Variants in DGKG observed in about 807,000 individuals in gnomAD.
The protein encoded by DGKG is diacylglycerol kinase gamma.
A neutral mutation model predicts 105.3 loss-of-function variants in DGKG; 78 were observed. That is an observed-to-expected ratio of 0.74 (90% CI 0.62 to 0.89). The LOEUF (loss-of-function observed/expected upper bound fraction) is 0.89. Among genes scored for constraint, DGKG ranks in the 40% least tolerant of loss-of-function variants. DGKG has a pLI of 0.00. For synonymous variants in DGKG, 346 were observed against 367.1 expected (o/e 0.94, Z 0.66); for missense variants, 958 against 1,020.1 (o/e 0.94, Z 0.83).
chr3:186,185,928 C>G (rs953722549), intron 22 of DGKG, among the ~76,000 whole-genome samples: 16 of 151,606 alleles, frequency 1.1e-4, no homozygotes, highest in Non-Finnish European at 1.9e-4. Flanking sequence ...GAAACCCCAT[C>G]TCTATTAAAA....
At chr3:186,331,027 A>G (rs190316574) in intron 1 of DGKG, among the ~76,000 whole-genome samples, 1 of 152,326 alleles carries the variant, frequency 6.6e-6, no homozygotes, top group East Asian at 1.9e-4. Context: ...CAACTTATTC[A>G]TGTCTTAAAA....
chr3:186,150,130 C>T lies in DGKG; in HGVS notation c.2336G>A (p.Ser779Asn). ...GCTCTTCCTTCTCAACGAGAAGAAG[C>T]TGCTCTTCTGGGGAGGCCCCATCAT... The part of the protein sequence containing the change: ...PMMMGPPQKS[S>N]FFSLRRKSRS... Residue 779 changes from serine (S) to asparagine (N), a missense_variant, in exon 25 of 25, where the codon AGC (serine) becomes AAC (asparagine). Around this residue, in one of 2 missense-constraint regions of DGKG, gnomAD observed 315 missense variants for 400.6 expected, o/e 0.79. Transcript: ENST00000265022. The T allele has an allele frequency of 6.2e-7, 1 of 1,613,726 alleles. No homozygotes were observed. Among genetic ancestry groups the T allele is most frequent in the Non-Finnish European group, 8.5e-7 (1 of 1,179,810 alleles).
chr3:186,162,593 G>A (rs777662781), intron 23 of DGKG, among the ~76,000 whole-genome samples: 1 of 152,166 alleles, frequency 6.6e-6, no homozygotes, highest in South Asian at 2.1e-4. Flanking sequence ...AGGCTGGAGT[G>A]CAGTGGCACC....
rs143790329 is a variant in DGKG, at chr3:186,292,716, C to T, written c.374-3836G>A. 1.5e-3 allele frequency among the ~76,000 whole-genome samples: 235 copies of T among 152,060 alleles called. 1 individual carries two copies. Among genetic ancestry groups the T allele is most frequent in the Middle Eastern group, 6.8e-3 (2 of 294 alleles). On this transcript the variant is annotated intron_variant, in intron 5 of 24. Coordinates refer to ENST00000265022, the MANE Select transcript of DGKG (RefSeq NM_001346.3). ...GGCTGAGGCAGGAGAATCACTTGAACGCGGGAGGCAGAGGTCGGGAGGCAG... is the reference window on the plus strand; with the variant it reads ...GGCTGAGGCAGGAGAATCACTTGAATGCGGGAGGCAGAGGTCGGGAGGCAG...
rs1022074483 is a variant in DGKG, at chr3:186,361,437, C to G, written c.-249+509G>C. ...CTTTATTCTCTGAGGTGTCCGTGTTCGCTTCAGCTTCCCTTTAAGTCGCCC... is the reference window on the plus strand; with the variant it reads ...CTTTATTCTCTGAGGTGTCCGTGTTGGCTTCAGCTTCCCTTTAAGTCGCCC... On this transcript the variant is annotated intron_variant, in intron 1 of 24. Coordinates refer to ENST00000265022, the MANE Select transcript of DGKG (RefSeq NM_001346.3). The surrounding 1 kb of genome is among the most constrained non-coding windows in gnomAD (Gnocchi z 6.8). Among the ~76,000 whole-genome samples, 2 of 152,248 alleles carry G rather than the reference C, an allele frequency of 1.3e-5. No homozygotes were observed. The highest frequency in any genetic ancestry group is 4.8e-5 in the African/African-American group (2 of 41,566).
At chr3:186,333,774 T>C (rs1725704780) in intron 1 of DGKG, among the ~76,000 whole-genome samples, 2 of 152,118 alleles carry the variant, frequency 1.3e-5, no homozygotes, top group African/African-American at 4.8e-5. Flanking sequence ...GCCCTGGGCA[T>C]GAGTATGGGG....
chr3:186,188,748 G>T (rs1717763777), intron 21 of DGKG, among the ~76,000 whole-genome samples: 1 of 151,970 alleles, frequency 6.6e-6, no homozygotes, highest in Non-Finnish European at 1.5e-5. Context: ...AGATTTAGTG[G>T]AACTGAATTC....
chr3:186,299,849 T>TCTTTCTTTCTTTCTTTCTTTCTTTC (rs1578798795), intron 3 of DGKG, among the ~76,000 whole-genome samples: 19 of 102,408 alleles, frequency 1.9e-4, no homozygotes, highest in African/African-American at 8.1e-4. Context: ...TTTTTTTTTT[T>TCTTTCTTTCTTTCTTTCTTTCTTTC]TTTGAGATAG....
intron 22 of DGKG, among the ~76,000 whole-genome samples, chr3:186,167,932 A>G (rs778279626): frequency 1.3e-5 from 2 of 152,208 alleles, no homozygotes; most frequent in Non-Finnish European, 2.9e-5. Context: ...AAATGCTGCA[A>G]TTGAACTGCA....
chr3:186,204,401 G>A (rs893688990), intron 21 of DGKG, among the ~76,000 whole-genome samples: 3 of 152,046 alleles, frequency 2.0e-5, no homozygotes, highest in African/African-American at 7.2e-5. Context: ...GCGAGGCCCT[G>A]CTTCAAAATA....
At chr3:186,296,012 C>T (rs552550284) in intron 5 of DGKG, among the ~76,000 whole-genome samples, 34 of 151,466 alleles carry the variant, frequency 2.2e-4, no homozygotes, top group African/African-American at 7.1e-4. Context: ...AGGAGGCTGA[C>T]GCACAAGAAT....
rs1718967830 is a variant in DGKG, at chr3:186,210,236, G to A, written c.1917+1559C>T. ...CTGCAGCTGGCTGTGGTTAGGCCAGGGCTGTCCCTCACTTGTGGTATATTT... is the reference window on the plus strand; with the variant it reads ...CTGCAGCTGGCTGTGGTTAGGCCAGAGCTGTCCCTCACTTGTGGTATATTT... On this transcript the variant is annotated intron_variant, in intron 21 of 24. Transcript: ENST00000265022. This position sits in a 1 kb window ranked among gnomAD's most constrained non-coding sequence, Gnocchi z 5.2. Among the ~76,000 whole-genome samples, 1 of 152,206 alleles carries A rather than the reference G, an allele frequency of 6.6e-6. No homozygotes were observed. The highest frequency in any genetic ancestry group is 2.4e-5 in the African/African-American group (1 of 41,454).
intron 2 of DGKG, among the ~76,000 whole-genome samples, chr3:186,307,989 G>T (rs1331313386): frequency 6.6e-6 from 1 of 151,324 alleles, no homozygotes; most frequent in Non-Finnish European, 1.5e-5. Flanking sequence ...AATTAGCATG[G>T]TTGATTTTAT....
chr3:186,270,922 C>T (rs1722284611), intron 11 of DGKG, among the ~76,000 whole-genome samples: 1 of 152,216 alleles, frequency 6.6e-6, no homozygotes, highest in Non-Finnish European at 1.5e-5. Context: ...GGCCAGAGTG[C>T]AGGCTTAGGG....
At chr3:186,219,701 A>G (rs1719469245) in intron 20 of DGKG, among the ~76,000 whole-genome samples, 1 of 152,158 alleles carries the variant, frequency 6.6e-6, no homozygotes, top group South Asian at 2.1e-4. Flanking sequence ...GAGTGGGCAG[A>G]AAGATGGAGA....
intron 20 of DGKG, among the ~76,000 whole-genome samples, chr3:186,232,281 C>G (rs1006940256): frequency 1.3e-5 from 2 of 152,196 alleles, no homozygotes; most frequent in Non-Finnish European, 2.9e-5. Context: ...CCCTTCATAA[C>G]CTATAAATGC....
At chr3:186,186,122 T>C (rs1578637244) in intron 22 of DGKG, among the ~76,000 whole-genome samples, 2 of 118,628 alleles carry the variant, frequency 1.7e-5, no homozygotes, top group Non-Finnish European at 3.5e-5. Context: ...AAAAAAGAGG[T>C]CAACAATTCC....
At chr3:186,190,058 C>T (rs918627103) in intron 21 of DGKG, among the ~76,000 whole-genome samples, 6 of 152,210 alleles carry the variant, frequency 3.9e-5, no homozygotes, top group Non-Finnish European at 8.8e-5. Flanking sequence ...AAGTTAGTTA[C>T]TATGACTATC....
chr3:186,341,055 A>C (rs917802787), intron 1 of DGKG, among the ~76,000 whole-genome samples: 5 of 152,252 alleles, frequency 3.3e-5, no homozygotes, highest in African/African-American at 1.2e-4. Context: ...GTTTGTGTTC[A>C]GTGCCTTTTC....
Sources: allele counts gnomAD v4.1 joint callset (sites outside exome capture counted in the v4.1 genomes callset), GRCh38; gene constraint gnomAD v4.1.1; regional missense constraint gnomAD v4.1.1; non-coding constraint Gnocchi (gnomAD v3.1); transcripts MANE v1.5; gene names NCBI Gene and HGNC (gene_info 2026-07-23, HGNC 2026-07-21).